The following WDR89 variants were observed in gnomAD, a reference collection of about 807,000 sequenced individuals.
The protein encoded by WDR89 is WD repeat-containing protein 89.
In WDR89, 17 loss-of-function variants were observed where a neutral mutation model predicts 29.1. The ratio of observed to expected loss-of-function variants is 0.58; its 90% CI spans 0.40 to 0.88. WDR89 has a LOEUF of 0.88. WDR89 is among the 40% of genes least tolerant of loss of function. The probability of loss-of-function intolerance (pLI) is 0.00; values close to 1 mark genes in which losing one functional copy is unlikely to be tolerated. For missense variants in WDR89, 396 were observed against 456.3 expected, an observed-to-expected ratio of 0.87 and a Z score of 1.20; for synonymous variants, 138 against 157.8, an observed-to-expected ratio of 0.87 and a Z score of 0.94.
At chr14:63,637,462 G>A (rs530787506) in intron 1 of WDR89, among the ~76,000 whole-genome samples, 129 of 152,262 alleles carry the variant, frequency 8.5e-4, no homozygotes, top group Non-Finnish European at 1.5e-3. Context: ...ACTTGCACAC[G>A]CATGTTTATA....
intron 2 of WDR89, among the ~76,000 whole-genome samples, chr14:63,616,651 A>C (rs1449585754): frequency 6.6e-6 from 1 of 152,210 alleles, no homozygotes. Context: ...AGCTAAAGTC[A>C]GAGAAAGAAA....
Position 63,600,717 on chromosome 14 carries a change from C to CAA in WDR89, c.-31-746_-31-745dup, listed in dbSNP as rs56059698. On this transcript the variant is annotated intron_variant, in intron 2 of 2. Coordinates refer to ENST00000620954, the MANE Select transcript of WDR89 (RefSeq NM_080666.4). ...TAGAATTTAAACATAGATATGTAGG[C>CAA]AAAAAAAAAAAAAAAAAAAAAAAAA... Among the ~76,000 whole-genome samples the CAA allele has an allele frequency of 3.2e-3, 115 of 36,212 alleles. 9 individuals carry two copies. The highest frequency in any genetic ancestry group is 4.7e-3 in the Non-Finnish European group (67 of 14,330). The allele number at this position is 36,212 out of a possible 152,430, so 23.8% of individuals were successfully genotyped here.
At chr14:63,606,609 TA>T (rs1369483730) in intron 2 of WDR89, among the ~76,000 whole-genome samples, 15 of 152,346 alleles carry the variant, frequency 9.8e-5, no homozygotes, top group African/African-American at 3.6e-4. Flanking sequence ...TAGTAGGCTA[TA>T]CTATCTAGGT....
intron 2 of WDR89, among the ~76,000 whole-genome samples, chr14:63,614,311 C>CTTT (rs113657972): frequency 7.0e-6 from 1 of 141,936 alleles, no homozygotes; most frequent in African/African-American, 2.6e-5. Flanking sequence ...TTCTTTTTTT[C>CTTT]TTTTTTTTTT....
chr14:63,623,488 G>A (rs911089444), intron 2 of WDR89, among the ~76,000 whole-genome samples: 1 of 151,756 alleles, frequency 6.6e-6, no homozygotes, highest in Non-Finnish European at 1.5e-5. Flanking sequence ...TGGATCACTT[G>A]AGGTCAGGAG....
intron 2 of WDR89, among the ~76,000 whole-genome samples, chr14:63,607,881 CAAA>C (rs770768578): frequency 1.5e-4 from 9 of 61,974 alleles, no homozygotes; most frequent in Non-Finnish European, 2.0e-4. Flanking sequence ...AAGTCTGACT[CAAA>C]AAAAAAAAAA....
intron 2 of WDR89, among the ~76,000 whole-genome samples, chr14:63,605,674 G>C (rs185631840): frequency 6.6e-6 from 1 of 152,010 alleles, no homozygotes; most frequent in East Asian, 1.9e-4. Flanking sequence ...TGGCCAGGCT[G>C]ATCTCGAACT....
In WDR89 at chr14:63,627,921, T is replaced by C. The variant is rs1883171704; in HGVS notation, c.-137-2888A>G. On this transcript the variant is annotated intron_variant, in intron 1 of 2. Transcript: ENST00000620954. ...GTTATTTCAATACTTGACTGGAAAT[T>C]TTAGTAACTTTTTTGATTAAATTTC... Among the ~76,000 whole-genome samples the C allele has an allele frequency of 1.3e-5, 2 of 152,030 alleles. 1 individual carries two copies. Among genetic ancestry groups the C allele is most frequent in the South Asian group, 4.1e-4 (2 of 4,826 alleles).
intron 2 of WDR89, among the ~76,000 whole-genome samples, chr14:63,602,393 G>A (rs1024050271): frequency 5.0e-5 from 7 of 139,318 alleles, no homozygotes; most frequent in Admixed American, 1.5e-4. Context: ...ACTGCTTGAG[G>A]TAGAGGTTGC....
At chr14:63,613,750 T>C (rs1449985631) in intron 2 of WDR89, among the ~76,000 whole-genome samples, 2 of 151,900 alleles carry the variant, frequency 1.3e-5, no homozygotes, top group African/African-American at 4.8e-5. Flanking sequence ...TCCACCCACC[T>C]TGGCCTCCCA....
chr14:63,603,841 CA>C (rs1895191988), intron 2 of WDR89, among the ~76,000 whole-genome samples: 1 of 152,172 alleles, frequency 6.6e-6, no homozygotes, highest in African/African-American at 2.4e-5. Context: ...CTGGGGTAGT[CA>C]CCTCCACAGC....
rs1895345726 is a variant in WDR89 at position 63,606,858 on chromosome 14, T to C, written c.-31-6885A>G. On this transcript the variant is annotated intron_variant, in intron 2 of 2. Coordinates refer to ENST00000620954, the MANE Select transcript of WDR89 (RefSeq NM_080666.4). ...CAGAGAGACTAATTTGCCCTTGCTC[T>C]CATAGCTACTAAGTGAACATATTGG... Among the ~76,000 whole-genome samples, 3 of 152,238 alleles carry C rather than the reference T, an allele frequency of 2.0e-5. No individual in the cohort carries two copies. In the South Asian group the frequency reaches 6.2e-4, roughly 31 times the overall value.
chr14:63,610,683 T>C (rs1269199580), intron 2 of WDR89, among the ~76,000 whole-genome samples: 1 of 151,430 alleles, frequency 6.6e-6, no homozygotes, highest in East Asian at 1.9e-4. Context: ...ATTTGAGGAA[T>C]ATTCTTTTCT....
At chr14:63,622,942 G>A (rs944707451) in intron 2 of WDR89, among the ~76,000 whole-genome samples, 9 of 152,108 alleles carry the variant, frequency 5.9e-5, no homozygotes, top group African/African-American at 2.2e-4. Flanking sequence ...GGCTCACGCT[G>A]TAATCCCAGC....
At chr14:63,612,801 G>A (rs376115383) in intron 2 of WDR89, among the ~76,000 whole-genome samples, 15 of 152,246 alleles carry the variant, frequency 9.9e-5, no homozygotes, top group African/African-American at 3.6e-4. Context: ...ACTTACTACT[G>A]CAGGAGCTCA....
intron 2 of WDR89, among the ~76,000 whole-genome samples, chr14:63,612,886 TAAGAG>T: frequency 6.6e-6 from 1 of 152,246 alleles, no homozygotes; most frequent in East Asian, 1.9e-4. Flanking sequence ...AAGCAGCCCG[TAAGAG>T]TGGAATATAC....
At chr14:63,622,163 G>A (rs923234165) in intron 2 of WDR89, among the ~76,000 whole-genome samples, 2 of 152,188 alleles carry the variant, frequency 1.3e-5, no homozygotes, top group Admixed American at 6.5e-5. Flanking sequence ...AGTCAGATGC[G>A]GTGGCTCATG....
chr14:63,625,612 T>C (rs951419674), intron 1 of WDR89, among the ~76,000 whole-genome samples: 71 of 152,310 alleles, frequency 4.7e-4, no homozygotes, highest in African/African-American at 1.7e-3. Flanking sequence ...TGGGAATGAC[T>C]GGGAAGGGGC....
At chr14:63,608,857 G>A (rs990393249) in intron 2 of WDR89, among the ~76,000 whole-genome samples, 1 of 152,162 alleles carries the variant, frequency 6.6e-6, no homozygotes, top group African/African-American at 2.4e-5. Context: ...TAATCTCAGT[G>A]CTTTGGGAGG....
Sources: gnomAD v4.1 joint callset for allele counts (sites outside exome capture counted in the v4.1 genomes callset) on GRCh38, gnomAD v4.1.1 for gene constraint, MANE v1.5 for transcripts, NCBI Gene and HGNC (gene_info 2026-07-23, HGNC 2026-07-21) for gene names.